Variants in LRRFIP1 observed in about 807,000 individuals in gnomAD.
The protein encoded by LRRFIP1 is LRR binding FLII interacting protein 1, also known as leucine-rich repeat flightless-interacting protein 1.
A neutral mutation model predicts 104.4 loss-of-function variants in LRRFIP1; 62 were observed. That is an observed-to-expected ratio of 0.59 (90% CI 0.48 to 0.73). LRRFIP1 has a LOEUF of 0.73. Ranked by LOEUF, LRRFIP1 falls within the 30% of genes least tolerant of loss-of-function variation. The pLI is 0.00. For synonymous variants in LRRFIP1, 300 were observed against 299.0 expected, an observed-to-expected ratio of 1.00 and a Z score of -0.03; for missense variants, 796 against 824.5, an observed-to-expected ratio of 0.97 and a Z score of 0.42.
intron 1 of LRRFIP1, among the ~76,000 whole-genome samples, chr2:237,638,498 A>T (rs1201963126): frequency 5.3e-5 from 8 of 152,180 alleles, no homozygotes; most frequent in Admixed American, 5.2e-4. Context: ...TCTGTGCCCC[A>T]GGGGTAGGGG....
At chr2:237,731,426 T>TTTC (rs2095004442) in intron 8 of LRRFIP1, among the ~76,000 whole-genome samples, 1 of 151,968 alleles carries the variant, frequency 6.6e-6, no homozygotes, top group African/African-American at 2.4e-5. Flanking sequence ...GCTTGCCACC[T>TTTC]TTCTCAACCC....
At position 237,756,028 on chromosome 2, in the gene LRRFIP1, AGAG is replaced by A. The variant is rs2059230542; in HGVS notation, c.1039-66_1039-64del. 9 of 978,128 alleles carry A rather than the reference AGAG, an allele frequency of 9.2e-6. No individual in the cohort carries two copies. In the South Asian group the frequency reaches 1.3e-4, roughly 14 times the overall value. 60.6% of individuals were successfully genotyped at this position (978,128 alleles called of 1,614,324 possible). A position where few individuals can be genotyped will look rare whatever the true frequency, so the allele number is the denominator to read the frequency against. The stretch of plus-strand genomic sequence containing the variant: ...TGTTCCACAGAAACTATAAATCGTG[AGAG>A]CCTGAACTGGCATGCCAGAAACATG... On this transcript the variant is annotated intron_variant, in intron 15 of 23. Coordinates refer to ENST00000308482, the MANE Select transcript of LRRFIP1 (RefSeq NM_001137550.2).
chr2:237,663,793 G>A (rs2088583762), intron 1 of LRRFIP1, among the ~76,000 whole-genome samples: 1 of 152,172 alleles, frequency 6.6e-6, no homozygotes, highest in South Asian at 2.1e-4. Context: ...TGGGAATGTT[G>A]CCTTGAGGCA....
intron 1 of LRRFIP1, among the ~76,000 whole-genome samples, chr2:237,668,427 A>C (rs374351416): frequency 0.014 from 2,127 of 152,288 alleles, 15 homozygotes; most frequent in Middle Eastern, 0.027. Context: ...GAAAGAAAAC[A>C]CAACCCTCAT....
Position 237,772,849 on chromosome 2 carries a change from T to C in LRRFIP1, c.1628-17T>C. On this transcript the variant is annotated splice_polypyrimidine_tract_variant and intron_variant, in intron 21 of 23. Coordinates refer to ENST00000308482, the MANE Select transcript of LRRFIP1 (RefSeq NM_001137550.2). ...GCCCAAGAGCTTAACAGATTTTCCT[T>C]CTCTTTCAACCTTTAGGGGATGCCA... 1.3e-6 allele frequency: 2 copies of C among 1,586,228 alleles called. 1 individual carries two copies. The highest frequency in any genetic ancestry group is 2.2e-5 in the South Asian group (2 of 90,046).
intron 1 of LRRFIP1, among the ~76,000 whole-genome samples, chr2:237,636,352 C>CTTTTTTT (rs59582281): frequency 5.6e-5 from 7 of 124,392 alleles, no homozygotes; most frequent in African/African-American, 1.5e-4. Flanking sequence ...CCTTTCTTTT[C>CTTTTTTT]TTTTTTTTTT....
chr2:237,632,882 C>T (rs969623699), intron 1 of LRRFIP1, among the ~76,000 whole-genome samples: 22 of 152,242 alleles, frequency 1.4e-4, no homozygotes, highest in African/African-American at 4.6e-4. Flanking sequence ...TTCACCTGCA[C>T]GCAACCAAGA....
At chr2:237,655,565 G>T (rs2086679783) in intron 1 of LRRFIP1, among the ~76,000 whole-genome samples, 1 of 152,194 alleles carries the variant, frequency 6.6e-6, no homozygotes, top group South Asian at 2.1e-4. Flanking sequence ...GTGAAAGTTA[G>T]CTACAAATCT....
At chr2:237,764,800 G>C in intron 19 of LRRFIP1, 1 of 985,758 alleles carries the variant, frequency 1.0e-6, no homozygotes, top group Non-Finnish European at 1.2e-6. Context: ...GATACTTTTG[G>C]ATCTCATTGT....
chr2:237,642,730 G>A (rs866973869), intron 1 of LRRFIP1, among the ~76,000 whole-genome samples: 2 of 152,158 alleles, frequency 1.3e-5, no homozygotes, highest in Admixed American at 6.5e-5. Flanking sequence ...CCAGGTTCCA[G>A]GCTAGGGGTT....
rs533255858 is a variant in LRRFIP1 at position 237,747,181 on chromosome 2, C to T, written c.634-1183C>T. ...AAGAGCTGGTCTTGGATTTTGCTTT[C>T]TTTTGGATTAACCGAGTATTTTGTG... On this transcript the variant is annotated intron_variant, in intron 11 of 23. Coordinates refer to ENST00000308482, the MANE Select transcript of LRRFIP1 (RefSeq NM_001137550.2). Among the ~76,000 whole-genome samples, 33 of 152,328 alleles carry T rather than the reference C, an allele frequency of 2.2e-4. 1 individual carries two copies. In the South Asian group the frequency reaches 6.4e-3, roughly 30 times the overall value.
intron 18 of LRRFIP1, 78 bp from the exon 19 acceptor site, chr2:237,759,986 T>C (rs2059691325): frequency 7.1e-7 from 1 of 1,410,412 alleles, no homozygotes; most frequent in African/African-American, 1.4e-5. Flanking sequence ...ATGGTTTTCT[T>C]TTTTATTATT....
At chr2:237,692,932 G>C (rs2092916582) in intron 1 of LRRFIP1, among the ~76,000 whole-genome samples, 1 of 152,224 alleles carries the variant, frequency 6.6e-6, no homozygotes, top group African/African-American at 2.4e-5. Context: ...GAACCACCGG[G>C]GAGCGGCTGG....
At chr2:237,679,211 T>C (rs1043211281) in intron 1 of LRRFIP1, among the ~76,000 whole-genome samples, 2 of 152,258 alleles carry the variant, frequency 1.3e-5, no homozygotes, top group Non-Finnish European at 1.5e-5. Flanking sequence ...GTGTAATTTG[T>C]TTCCTTTCAG....
intron 22 of LRRFIP1, chr2:237,773,708 T>C (rs1377704157): frequency 6.6e-6 from 1 of 152,354 alleles, no homozygotes; most frequent in African/African-American, 2.4e-5. Flanking sequence ...TAGGGCAATT[T>C]GTGTTCTAGC....
chr2:237,725,174 G>A (rs368254304), intron 7 of LRRFIP1, among the ~76,000 whole-genome samples: 1 of 152,172 alleles, frequency 6.6e-6, no homozygotes, highest in Non-Finnish European at 1.5e-5. Context: ...TTATGGCAGT[G>A]TTTCTGGAGA....
intron 14 of LRRFIP1, among the ~76,000 whole-genome samples, chr2:237,751,499 C>T (rs976623772): frequency 6.6e-6 from 1 of 152,208 alleles, no homozygotes; most frequent in African/African-American, 2.4e-5. Flanking sequence ...GAAAAGGTTA[C>T]TAACATACTC....
chr2:237,764,338 A>G, intron 19 of LRRFIP1: 2 of 1,487,916 alleles, frequency 1.3e-6, no homozygotes, highest in Middle Eastern at 1.9e-4. Flanking sequence ...CCCAGATTAG[A>G]AAGACATATT....
intron 14 of LRRFIP1, among the ~76,000 whole-genome samples, chr2:237,752,641 T>A (rs1159138175): frequency 6.6e-6 from 1 of 152,212 alleles, no homozygotes; most frequent in African/African-American, 2.4e-5. Flanking sequence ...CTCCTCATGT[T>A]TGGGGACCTG....
Sources: allele counts gnomAD v4.1 joint callset (sites outside exome capture counted in the v4.1 genomes callset), GRCh38; gene constraint gnomAD v4.1.1; transcripts MANE v1.5; gene names NCBI Gene and HGNC (gene_info 2026-07-23, HGNC 2026-07-21).